Variants in MYLK observed in about 807,000 individuals in gnomAD.
MYLK encodes myosin light chain kinase, smooth muscle.
In MYLK, 106 loss-of-function variants were observed where a neutral mutation model predicts 203.4. That is an observed-to-expected ratio of 0.52 (90% confidence interval 0.45 to 0.61). The LOEUF (loss-of-function observed/expected upper bound fraction) is 0.61. Ranked by LOEUF, MYLK falls within the 20% of genes least tolerant of loss-of-function variation. The pLI is 0.00. For missense variants in MYLK, 2,072 were observed against 2,442.3 expected (o/e 0.85, Z 3.20); for synonymous variants, 867 against 959.5 (o/e 0.90, Z 1.78).
intron 24 of MYLK, 60 bp downstream of exon 24, chr3:123,657,066 A>C (rs539606310): frequency 6.3e-7 from 1 of 1,581,922 alleles, no homozygotes; most frequent in Non-Finnish European, 8.7e-7. Flanking sequence ...CAGTCTTTAC[A>C]TACACAAGGT....
At chr3:123,728,667 T>G (rs1483219501) in intron 11 of MYLK, among the ~76,000 whole-genome samples, 1 of 152,166 alleles carries the variant, frequency 6.6e-6, no homozygotes, top group Non-Finnish European at 1.5e-5. Flanking sequence ...TTCACTCTTG[T>G]GCCCCTTGCC....
intron 16 of MYLK, among the ~76,000 whole-genome samples, chr3:123,703,020 C>T (rs1232705468): frequency 6.6e-6 from 1 of 152,160 alleles, no homozygotes; most frequent in Non-Finnish European, 1.5e-5. Flanking sequence ...ACATGATGTA[C>T]ACATATACTG....
chr3:123,816,374 G>A (rs1313513316), intron 3 of MYLK, among the ~76,000 whole-genome samples: 2 of 152,236 alleles, frequency 1.3e-5, no homozygotes, highest in African/African-American at 4.8e-5. Context: ...ACTTGTCTCA[G>A]AGGTCATGAG....
At chr3:123,703,701 C>T (rs921673412) in intron 16 of MYLK, among the ~76,000 whole-genome samples, 8 of 152,234 alleles carry the variant, frequency 5.3e-5, no homozygotes, top group African/African-American at 1.9e-4. Flanking sequence ...GGTCACCCTG[C>T]TTCTGCCAGG....
At chr3:123,690,187 C>T (rs756665669) in intron 19 of MYLK, among the ~76,000 whole-genome samples, 2 of 152,092 alleles carry the variant, frequency 1.3e-5, no homozygotes, top group Non-Finnish European at 2.9e-5. Flanking sequence ...GGGATGAAGG[C>T]CTGGTTCTAT....
At chr3:123,649,902 C>T (rs993936064) in intron 24 of MYLK, among the ~76,000 whole-genome samples, 7 of 152,234 alleles carry the variant, frequency 4.6e-5, no homozygotes, top group African/African-American at 1.4e-4. Flanking sequence ...TTGCGTCTTA[C>T]AGGAAATGAT....
In MYLK at chr3:123,708,806, G is replaced by A. The variant is rs2061564863; in HGVS notation, c.2032C>T (p.His678Tyr). 1 of 1,614,200 alleles carries A rather than the reference G, an allele frequency of 6.2e-7. No homozygotes were observed. The highest frequency in any genetic ancestry group is 2.2e-5 in the East Asian group (1 of 44,884). The change falls in exon 15 of 34, where the codon CAC becomes TAC. Residue 678 changes from histidine to tyrosine, a missense_variant. His to Tyr is a moderately conservative substitution (Grantham distance 83). This residue lies in a region of MYLK where 865 missense variants were observed against 1,016.0 expected (regional missense o/e 0.85). Transcript: ENST00000360304. ...DFHFEQRGTQ[H>Y]SLCIQEVFPE... ...AACACTTCCTGGATACAAAGGCTGT[G>A]CTGAGTTCCTCTCTGTTCAAAGTGG...
chr3:123,725,172 C>T (rs1056172837), intron 12 of MYLK, among the ~76,000 whole-genome samples: 3 of 152,234 alleles, frequency 2.0e-5, no homozygotes, highest in Middle Eastern at 3.4e-3. Context: ...CAAGGTCACC[C>T]GACCACTCAG....
intron 3 of MYLK, among the ~76,000 whole-genome samples, chr3:123,804,808 T>C (rs1281011716): frequency 6.6e-6 from 1 of 152,160 alleles, no homozygotes; most frequent in Non-Finnish European, 1.5e-5. Context: ...CTGTTTCCCC[T>C]GAGAAAACAT....
chr3:123,833,647 G>A (rs2066403160), intron 2 of MYLK, among the ~76,000 whole-genome samples: 1 of 152,058 alleles, frequency 6.6e-6, no homozygotes, highest in African/African-American at 2.4e-5. Flanking sequence ...ATACTCTCCT[G>A]CTTCTCAAAT....
intron 11 of MYLK, among the ~76,000 whole-genome samples, chr3:123,730,587 G>A (rs1236976857): frequency 6.6e-6 from 1 of 152,204 alleles, no homozygotes. Flanking sequence ...GATGAATGAA[G>A]TACTAACACC....
chr3:123,719,079 A>G (rs2062002438), intron 13 of MYLK, among the ~76,000 whole-genome samples: 1 of 152,334 alleles, frequency 6.6e-6, no homozygotes, highest in East Asian at 1.9e-4. Context: ...CAGAGAAAGC[A>G]TGAAGGGCTG....
rs181775356 is a variant in MYLK, at chr3:123,708,929, G to A, written c.1943-34C>T. The A allele has an allele frequency of 6.9e-4, 1,101 of 1,597,466 alleles. 5 individuals carry two copies. The African/African-American group carries it at 0.013, about 19-fold the overall frequency. ...GGAGGAGGGGAAGGGGGATTGGTTA[G>A]GGAGGTCCTCCCCGGCCATGCAGCA... On this transcript the variant is annotated intron_variant, in intron 14 of 33. Coordinates refer to ENST00000360304, the MANE Select transcript of MYLK (RefSeq NM_053025.4).
intron 2 of MYLK, among the ~76,000 whole-genome samples, chr3:123,848,808 G>C (rs1445107887): frequency 2.0e-5 from 3 of 152,176 alleles, no homozygotes; most frequent in Non-Finnish European, 1.5e-5. Context: ...CCAGGACCCT[G>C]ATGGCATAAT....
chr3:123,616,911 C>T (rs1487931065), intron 33 of MYLK: 6 of 152,118 alleles, frequency 3.9e-5, no homozygotes, highest in Admixed American at 3.9e-4. Context: ...TCCTTTATAG[C>T]AATGCAAACA....
intron 2 of MYLK, among the ~76,000 whole-genome samples, chr3:123,869,735 A>C (rs529579015): frequency 6.6e-6 from 1 of 152,316 alleles, no homozygotes; most frequent in African/African-American, 2.4e-5. Context: ...GGAAGTTGTT[A>C]CATCTCCATT....
chr3:123,738,413 T>C (rs2062750551), intron 7 of MYLK, among the ~76,000 whole-genome samples: 1 of 152,112 alleles, frequency 6.6e-6, no homozygotes, highest in Non-Finnish European at 1.5e-5. Context: ...AGAGAACCCC[T>C]GAGAACCGCC....
At chr3:123,866,909 C>A (rs1013573705) in intron 2 of MYLK, among the ~76,000 whole-genome samples, 1 of 152,148 alleles carries the variant, frequency 6.6e-6, no homozygotes, top group Non-Finnish European at 1.5e-5. Context: ...TTCCAGGTAG[C>A]CTGAGACTTA....
intron 4 of MYLK, among the ~76,000 whole-genome samples, chr3:123,776,679 T>C (rs1489213775): frequency 6.6e-6 from 1 of 152,244 alleles, no homozygotes; most frequent in Non-Finnish European, 1.5e-5. Context: ...ATAATTTTAG[T>C]TATGACTAAA....
Sources: allele counts gnomAD v4.1 joint callset (sites outside exome capture counted in the v4.1 genomes callset), GRCh38; gene constraint gnomAD v4.1.1; regional missense constraint gnomAD v4.1.1; transcripts MANE v1.5; gene names NCBI Gene and HGNC (gene_info 2026-07-23, HGNC 2026-07-21).